CDH23: variants seen among roughly 807,000 people sequenced by gnomAD.
The protein encoded by CDH23 is cadherin related 23, also known as cadherin-23.
CDH23 carries 189 observed loss-of-function variants against 317.1 expected under a neutral mutation model. That is an observed-to-expected ratio of 0.60 (90% CI 0.53 to 0.67). The LOEUF (loss-of-function observed/expected upper bound fraction) is 0.67, where lower values mean the gene tolerates loss of function less well. Among genes scored for constraint, CDH23 ranks in the 30% least tolerant of loss-of-function variants. The pLI, the probability that CDH23 is intolerant of heterozygous loss-of-function variation, is 0.00. For synonymous variants in CDH23, 1,839 were observed against 1,876.8 expected (o/e 0.98, Z 0.52); for missense variants, 4,401 against 4,592.4 (o/e 0.96, Z 1.20).
chr10:71,446,915 C>T (rs1035934643), intron 3 of CDH23, among the ~76,000 whole-genome samples: 1 of 152,190 alleles, frequency 6.6e-6, no homozygotes, highest in Non-Finnish European at 1.5e-5. Context: ...TGTCCTAGCT[C>T]AGCTCTTAGG....
intron 1 of CDH23, among the ~76,000 whole-genome samples, chr10:71,425,371 A>AGAAGGAAGGAAGGGAGGAAGGAAG (rs1554823181): frequency 1.3e-4 from 11 of 82,496 alleles, no homozygotes; most frequent in Middle Eastern, 5.2e-3. Flanking sequence ...AAGAGAGAGG[A>AGAAGGAAGGAAGGGAGGAAGGAAG]GAAGGAAGGA....
Position 71,425,235 on chromosome 10 carries a change from GAGAGAGA to G in CDH23, c.-5-14591_-5-14585del, listed in dbSNP as rs1849009134. ...ACAGTGGGGCAGAGAGAGAGAGGGA[GAGAGAGA>G]GAGAGAGAGAGAGAGAGAGAGAGAG... is the stretch of plus-strand genomic sequence containing the variant. On this transcript the variant is annotated intron_variant, in intron 1 of 69. Coordinates refer to ENST00000224721, the MANE Select transcript of CDH23 (RefSeq NM_022124.6). Among the ~76,000 whole-genome samples, 268 of 50,342 alleles carry G rather than the reference GAGAGAGA, an allele frequency of 5.3e-3. 1 individual carries two copies. The African/African-American group carries it at 0.058, about 11-fold the overall frequency. The allele number at this position is 50,342 out of a possible 152,430, so 33.0% of individuals were successfully genotyped here.
In CDH23 at chr10:71,785,618, C is replaced by A. The variant is rs527996980; in HGVS notation, c.5713-13C>A. ...AAAGGTCTCCATGCAGCTCACCACCCTCCACATCCCAGACAGGGATCGTCA... is the reference window on the plus strand; with the variant it reads ...AAAGGTCTCCATGCAGCTCACCACCATCCACATCCCAGACAGGGATCGTCA... On this transcript the variant is annotated splice_polypyrimidine_tract_variant and intron_variant, in intron 43 of 69. Transcript: ENST00000224721. 6.4e-7 allele frequency: 1 copy of A among 1,550,738 alleles called. No individual in the cohort carries two copies. The highest frequency in any genetic ancestry group is 8.8e-7 in the Non-Finnish European group (1 of 1,136,072).
At chr10:71,798,831 T>TA (rs1841479003) in intron 50 of CDH23, among the ~76,000 whole-genome samples, 1 of 152,068 alleles carries the variant, frequency 6.6e-6, no homozygotes, top group African/African-American at 2.4e-5. Context: ...CTACTATTAG[T>TA]ACCACCGAGG....
At chr10:71,406,822 TGTGAA>T (rs1564561252) in intron 1 of CDH23, among the ~76,000 whole-genome samples, 1 of 152,204 alleles carries the variant, frequency 6.6e-6, no homozygotes, top group Non-Finnish European at 1.5e-5. Flanking sequence ...CCCCTACCCT[TGTGAA>T]GTGTCTATGG....
At chr10:71,547,241 G>A (rs561805050) in intron 6 of CDH23, among the ~76,000 whole-genome samples, 61 of 152,364 alleles carry the variant, frequency 4.0e-4, no homozygotes, top group Non-Finnish European at 7.2e-4. Context: ...GGTCAGAGAA[G>A]CCTCTGGAGG....
intron 48 of CDH23, chr10:71,796,866 CAG>C: frequency 2.2e-6 from 1 of 446,122 alleles, no homozygotes; most frequent in Non-Finnish European, 4.2e-6. Context: ...CACAGAGGTG[CAG>C]AGAGGTGACA....
At chr10:71,573,221 C>T (rs1036144755) in intron 8 of CDH23, among the ~76,000 whole-genome samples, 1 of 152,202 alleles carries the variant, frequency 6.6e-6, no homozygotes, top group African/African-American at 2.4e-5. Flanking sequence ...GGTTGGGGCT[C>T]CCAGCTTCAG....
chr10:71,489,591 C>CGGGG (rs1554830086), intron 3 of CDH23, among the ~76,000 whole-genome samples: 6 of 106,002 alleles, frequency 5.7e-5, no homozygotes, highest in African/African-American at 1.4e-4. Context: ...CACAGTGCCT[C>CGGGG]GGGGTGTGTG....
intron 24 of CDH23, among the ~76,000 whole-genome samples, chr10:71,703,563 G>A (rs1398062491): frequency 2.0e-5 from 3 of 152,304 alleles, no homozygotes; most frequent in Admixed American, 1.3e-4. Flanking sequence ...ACTGTGTGTC[G>A]GTCACGAGGG....
intron 6 of CDH23, among the ~76,000 whole-genome samples, chr10:71,526,113 G>A (rs931222654): frequency 3.9e-5 from 6 of 152,204 alleles, no homozygotes; most frequent in Non-Finnish European, 7.3e-5. Context: ...GGTGGAGCAG[G>A]GGGTTCACCC....
intron 20 of CDH23, among the ~76,000 whole-genome samples, chr10:71,690,870 C>G (rs993505828): frequency 3.3e-5 from 5 of 152,224 alleles, no homozygotes; most frequent in Non-Finnish European, 5.9e-5. Flanking sequence ...TAACACACCC[C>G]TCTTCAGGAA....
intron 38 of CDH23, among the ~76,000 whole-genome samples, chr10:71,771,718 T>G (rs185083405): frequency 2.6e-5 from 4 of 152,348 alleles, no homozygotes; most frequent in African/African-American, 9.6e-5. Context: ...ACCATGTTGT[T>G]TGAGTAGCCA....
chr10:71,700,685 A>G (rs993533420), intron 22 of CDH23, among the ~76,000 whole-genome samples: 4 of 152,168 alleles, frequency 2.6e-5, no homozygotes, highest in Non-Finnish European at 5.9e-5. Context: ...AGGAGGGCCG[A>G]GCAGTCCCTG....
chr10:71,815,939 T>C lies in CDH23; in HGVS notation c.*661T>C. ...TGTGTTCCTTTTTTAAATTAAGTTATTCCCTCAATAGTTTCCCCTTGGTTT... is the reference window on the plus strand; with the variant it reads ...TGTGTTCCTTTTTTAAATTAAGTTACTCCCTCAATAGTTTCCCCTTGGTTT... On this transcript the variant is annotated 3_prime_UTR_variant, in exon 70 of 70. Transcript: ENST00000224721. The C allele has an allele frequency of 6.2e-6, 1 of 160,194 alleles. No individual in the cohort carries two copies. Among genetic ancestry groups the C allele is most frequent in the East Asian group, 1.7e-4 (1 of 5,750 alleles). 9.9% of individuals were successfully genotyped at this position (160,194 alleles called of 1,614,324 possible). A position where few individuals can be genotyped will look rare whatever the true frequency, so the allele number is the denominator to read the frequency against.
chr10:71,555,248 A>G (rs1856816604), intron 6 of CDH23, among the ~76,000 whole-genome samples: 1 of 152,304 alleles, frequency 6.6e-6, no homozygotes, highest in East Asian at 1.9e-4. Context: ...TACCTGGTAC[A>G]TGCTGCCTGG....
At chr10:71,789,240 G>A (rs994732288) in intron 45 of CDH23, among the ~76,000 whole-genome samples, 198 bp downstream of exon 45, 3 of 152,224 alleles carry the variant, frequency 2.0e-5, no homozygotes, top group African/African-American at 7.2e-5. Flanking sequence ...GAAGCCACAG[G>A]TCTGGTTGGA....
chr10:71,657,590 C>T (rs974722871), intron 14 of CDH23, among the ~76,000 whole-genome samples: 1 of 152,192 alleles, frequency 6.6e-6, no homozygotes, highest in African/African-American at 2.4e-5. Flanking sequence ...TTAGCAAAAC[C>T]AAGAGGACAA....
At chr10:71,785,764 G>T in intron 44 of CDH23, 26 bp downstream of exon 44, 2 of 1,435,532 alleles carry the variant, frequency 1.4e-6, no homozygotes, top group Non-Finnish European at 1.9e-6. Flanking sequence ...ACTGGTGGGA[G>T]TGGGCTGGGA....
Sources: allele counts gnomAD v4.1 joint callset (sites outside exome capture counted in the v4.1 genomes callset), GRCh38; gene constraint gnomAD v4.1.1; transcripts MANE v1.5; gene names NCBI Gene and HGNC (gene_info 2026-07-23, HGNC 2026-07-21).